Variants in TACR1 observed in about 807,000 individuals in gnomAD.
TACR1 encodes substance-P receptor.
TACR1 carries 25 observed loss-of-function variants against 35.8 expected under a neutral mutation model. That is an observed-to-expected ratio of 0.70 (90% CI 0.51 to 0.98). TACR1 has a LOEUF of 0.98. TACR1 is among the 50% of genes least tolerant of loss of function. The probability of loss-of-function intolerance (pLI) is 0.00; values close to 1 mark genes in which losing one functional copy is unlikely to be tolerated. For synonymous variants in TACR1, 195 were observed against 206.7 expected (o/e 0.94, Z 0.48); for missense variants, 478 against 522.9 (o/e 0.91, Z 0.84).
intron 1 of TACR1, among the ~76,000 whole-genome samples, chr2:75,129,434 G>A (rs113840070): frequency 6.6e-5 from 10 of 152,138 alleles, no homozygotes; most frequent in East Asian, 1.9e-4. Flanking sequence ...CATCAAAGAT[G>A]CATTTCTTTT....
chr2:75,139,246 A>G (rs1328455700), intron 1 of TACR1, among the ~76,000 whole-genome samples: 1 of 152,196 alleles, frequency 6.6e-6, no homozygotes, highest in Non-Finnish European at 1.5e-5. Context: ...AGGTATTACC[A>G]TCCATATTTT....
intron 1 of TACR1, among the ~76,000 whole-genome samples, chr2:75,151,282 C>T (rs1674664032): frequency 6.6e-6 from 1 of 152,196 alleles, no homozygotes; most frequent in African/African-American, 2.4e-5. Context: ...CAGAGACCTT[C>T]ATGGCAGCCC....
intron 3 of TACR1, among the ~76,000 whole-genome samples, 179 bp downstream of exon 3, chr2:75,053,426 G>T (rs1375503283): frequency 6.6e-6 from 1 of 152,176 alleles, no homozygotes; most frequent in Non-Finnish European, 1.5e-5. Context: ...GCTCATGCCT[G>T]TCCAGCCAGA....
chr2:75,094,859 A>ATATATATATT, intron 2 of TACR1, among the ~76,000 whole-genome samples: 27 of 113,100 alleles, frequency 2.4e-4, no homozygotes, highest in African/African-American at 1.2e-3. Flanking sequence ...ATATATATAT[A>ATATATATATT]TTTTTTTTTT....
chr2:75,094,859 A>ATATATATATATATATATTTTT, intron 2 of TACR1, among the ~76,000 whole-genome samples: 16 of 113,122 alleles, frequency 1.4e-4, no homozygotes, highest in Non-Finnish European at 2.2e-4. Flanking sequence ...ATATATATAT[A>ATATATATATATATATATTTTT]TTTTTTTTTT....
intron 2 of TACR1, among the ~76,000 whole-genome samples, chr2:75,094,859 A>ATATATATATATTTTT: frequency 1.8e-4 from 20 of 113,104 alleles, no homozygotes; most frequent in African/African-American, 9.1e-4. Flanking sequence ...ATATATATAT[A>ATATATATATATTTTT]TTTTTTTTTT....
chr2:75,125,165 CT>C (rs754324555), intron 1 of TACR1, among the ~76,000 whole-genome samples: 24 of 152,016 alleles, frequency 1.6e-4, no homozygotes, highest in Non-Finnish European at 2.6e-4. Flanking sequence ...ATTTTCTTTT[CT>C]TTTCTTTTTT....
At chr2:75,151,117 A>G (rs546663801) in intron 1 of TACR1, among the ~76,000 whole-genome samples, 2 of 152,360 alleles carry the variant, frequency 1.3e-5, no homozygotes, top group African/African-American at 4.8e-5. Flanking sequence ...GAAGCAGAGC[A>G]TAAAAGTTTG....
chr2:75,199,303 C>T lies in TACR1; in HGVS notation c.-369G>A, dbSNP rs747969642. The T allele has an allele frequency of 7.1e-5, 16 of 225,730 alleles. No individual in the cohort carries two copies. The highest frequency in any genetic ancestry group is 1.3e-4 in the Non-Finnish European group (15 of 112,268). The allele number at this position is 225,730 out of a possible 1,614,324, so 14.0% of individuals were successfully genotyped here. A position where few individuals can be genotyped will look rare whatever the true frequency, so the allele number is the denominator to read the frequency against. ...TATGCACCTGCTGCTGCCTGCAACT[C>T]CTATTTCTCCTTCCTCCGCAGGGAA... On this transcript the variant is annotated 5_prime_UTR_variant, in exon 1 of 5. Coordinates refer to ENST00000305249, the MANE Select transcript of TACR1 (RefSeq NM_001058.4).
intron 1 of TACR1, among the ~76,000 whole-genome samples, chr2:75,135,613 G>C (rs1674265913): frequency 1.3e-5 from 2 of 152,246 alleles, no homozygotes; most frequent in Admixed American, 1.3e-4. Flanking sequence ...CTTAATAGCT[G>C]CTTCAAGGAT....
intron 2 of TACR1, among the ~76,000 whole-genome samples, chr2:75,055,054 T>G (rs959972774): frequency 6.6e-5 from 10 of 152,308 alleles, no homozygotes; most frequent in Admixed American, 5.2e-4. Flanking sequence ...GTCTGTGATG[T>G]CAGAAAACCA....
intron 1 of TACR1, among the ~76,000 whole-genome samples, chr2:75,186,492 AT>A (rs1185340092): frequency 6.6e-6 from 1 of 151,456 alleles, no homozygotes; most frequent in Non-Finnish European, 1.5e-5. Flanking sequence ...TCTTCAAACT[AT>A]TTTTTTGTAA....
intron 2 of TACR1, among the ~76,000 whole-genome samples, chr2:75,117,132 ATTGT>A (rs1163937183): frequency 4.5e-5 from 4 of 89,428 alleles, no homozygotes; most frequent in Middle Eastern, 5.4e-3. Context: ...GACTTTGTGG[ATTGT>A]GTGTGTGTGT....
intron 1 of TACR1, among the ~76,000 whole-genome samples, chr2:75,170,044 C>T (rs1458851877): frequency 6.6e-6 from 1 of 152,100 alleles, no homozygotes. Flanking sequence ...TATCATCTGA[C>T]TTTTCCATTT....
At chr2:75,067,544 G>C (rs1275791272) in intron 2 of TACR1, among the ~76,000 whole-genome samples, 6 of 152,200 alleles carry the variant, frequency 3.9e-5, no homozygotes, top group Non-Finnish European at 8.8e-5. Context: ...ATAATAAACA[G>C]ATACATCAGC....
chr2:75,121,475 A>G (rs1457414426), intron 1 of TACR1, among the ~76,000 whole-genome samples: 1 of 152,216 alleles, frequency 6.6e-6, no homozygotes, highest in Non-Finnish European at 1.5e-5. Flanking sequence ...ACAGCAAATG[A>G]TGACTTCATG....
At chr2:75,081,451 C>T (rs887748869) in intron 2 of TACR1, among the ~76,000 whole-genome samples, 2 of 152,156 alleles carry the variant, frequency 1.3e-5, no homozygotes, top group African/African-American at 4.8e-5. Context: ...CTTCTAGGGC[C>T]TGTGTGAGCC....
intron 1 of TACR1, among the ~76,000 whole-genome samples, chr2:75,185,356 CAAAAG>C (rs1157258900): frequency 6.6e-6 from 1 of 151,130 alleles, no homozygotes; most frequent in Non-Finnish European, 1.5e-5. Context: ...AGAGAAAGCA[CAAAAG>C]AAAAGGCAGA....
chr2:75,094,859 A>ATATATATATATATATTTT lies in TACR1; in HGVS notation c.584+25714_584+25715insAAAATATATATATATATA. 1.7e-3 allele frequency among the ~76,000 whole-genome samples: 191 copies of ATATATATATATATATTTT among 113,028 alleles called. 1 individual carries two copies. Among genetic ancestry groups the ATATATATATATATATTTT allele is most frequent in the African/African-American group, 8.6e-3 (179 of 20,784 alleles). The allele number at this position is 113,028 out of a possible 152,430, so 74.2% of individuals were successfully genotyped here. A position where few individuals can be genotyped will look rare whatever the true frequency, so the allele number is the denominator to read the frequency against. On this transcript the variant is annotated intron_variant, in intron 2 of 4. Transcript: ENST00000305249. The stretch of plus-strand genomic sequence containing the variant: ...GAAACATATATATATATATATATAT[A>ATATATATATATATATTTT]TTTTTTTTTTTTTTGCCCAAGATGG...
Sources: gnomAD v4.1 joint callset for allele counts (sites outside exome capture counted in the v4.1 genomes callset) on GRCh38, gnomAD v4.1.1 for gene constraint, MANE v1.5 for transcripts, NCBI Gene and HGNC (gene_info 2026-07-23, HGNC 2026-07-21) for gene names.